Variants in COL19A1 observed in about 807,000 individuals in gnomAD.
COL19A1 encodes collagen type XIX alpha 1 chain, also known as collagen alpha-1(XIX) chain.
COL19A1 carries 159 observed loss-of-function variants against 190.2 expected under a neutral mutation model. The ratio of observed to expected loss-of-function variants is 0.84; its 90% CI spans 0.73 to 0.95. The LOEUF is 0.95. Ranked by LOEUF, COL19A1 falls within the 40% of genes least tolerant of loss-of-function variation. COL19A1 has a pLI of 0.00. For synonymous variants in COL19A1, 509 were observed against 458.9 expected (o/e 1.11, Z -1.39); for missense variants, 1,418 against 1,431.9 (o/e 0.99, Z 0.16).
intron 14 of COL19A1, among the ~76,000 whole-genome samples, chr6:70,059,314 C>T (rs1443750774): frequency 2.0e-5 from 3 of 152,112 alleles, no homozygotes; most frequent in Non-Finnish European, 4.4e-5. Flanking sequence ...ACTTCAGCTC[C>T]TTTTCTTGAT....
At position 69,913,552 on chromosome 6, in the gene COL19A1, G is replaced by A. The variant is rs73480055; in HGVS notation, c.266+13214G>A. ...GTGTGAATTTACCAGGTGAGCCAAG[G>A]GGTCAATGTATGTTGTGGTAGTTAG... is the stretch of plus-strand genomic sequence containing the variant. On this transcript the variant is annotated intron_variant, in intron 4 of 50. Coordinates refer to ENST00000620364, the MANE Select transcript of COL19A1 (RefSeq NM_001858.6). Among the ~76,000 whole-genome samples the A allele has an allele frequency of 7.1e-3, 1,083 of 152,266 alleles. 15 individuals carry two copies. The highest frequency in any genetic ancestry group is 0.022 in the African/African-American group (921 of 41,540).
At chr6:70,029,945 C>T (rs537709879) in intron 12 of COL19A1, among the ~76,000 whole-genome samples, 95 of 152,164 alleles carry the variant, frequency 6.2e-4, no homozygotes, top group African/African-American at 2.1e-3. Flanking sequence ...TCAGAACAAC[C>T]CTTCAAGAAA....
At chr6:69,917,077 T>C (rs1771354902) in intron 4 of COL19A1, among the ~76,000 whole-genome samples, 1 of 152,238 alleles carries the variant, frequency 6.6e-6, no homozygotes, top group Non-Finnish European at 1.5e-5. Context: ...TGGTTTCTTA[T>C]GACCAACACA....
At chr6:69,958,473 T>C (rs1482584690) in intron 9 of COL19A1, among the ~76,000 whole-genome samples, 2 of 152,196 alleles carry the variant, frequency 1.3e-5, no homozygotes, top group South Asian at 4.1e-4. Flanking sequence ...TCACTATCAC[T>C]TTATCAAATG....
chr6:70,117,006 T>A (rs1784617573), intron 16 of COL19A1, among the ~76,000 whole-genome samples: 1 of 152,128 alleles, frequency 6.6e-6, no homozygotes. Flanking sequence ...TCAAGGAGAC[T>A]CAGTCAACAG....
intron 4 of COL19A1, among the ~76,000 whole-genome samples, chr6:69,920,614 C>T (rs1233825957): frequency 1.3e-5 from 2 of 151,930 alleles, no homozygotes; most frequent in Non-Finnish European, 1.5e-5. Context: ...GTTTAGTTAG[C>T]CATATTTTGA....
intron 4 of COL19A1, among the ~76,000 whole-genome samples, chr6:69,927,200 T>G (rs1257206817): frequency 6.6e-6 from 1 of 152,138 alleles, no homozygotes; most frequent in African/African-American, 2.4e-5. Flanking sequence ...ATTACATAGA[T>G]AAATATAAAA....
rs778798198 is a variant in COL19A1 at position 69,932,827 on chromosome 6, A to G, written c.711A>G (p.Ile237Met). 3.1e-6 allele frequency: 5 copies of G among 1,609,376 alleles called. No individual in the cohort carries two copies. Among genetic ancestry groups the G allele is most frequent in the South Asian group, 1.1e-5 (1 of 90,432 alleles). The change falls in exon 7 of 51, where the codon ATA becomes ATG. Residue 237 changes from isoleucine (I) to methionine (M), a missense_variant. Ile to Met is a conservative substitution (Grantham distance 10). Transcript: ENST00000620364. Reference sequence around the variant, plus strand: ...AAATCTACTGCAGTGCAAACCTCATAGCTCAAGAAACATGTTGTGAAATAT... The same window carrying G: ...AAATCTACTGCAGTGCAAACCTCATGGCTCAAGAAACATGTTGTGAAATAT... ...QLKIYCSANL[I>M]AQETCCEISD...
intron 2 of COL19A1, among the ~76,000 whole-genome samples, chr6:69,894,480 A>G (rs752017145): frequency 6.6e-6 from 1 of 152,240 alleles, no homozygotes; most frequent in Non-Finnish European, 1.5e-5. Flanking sequence ...TCAAAGATTA[A>G]AGTCATGTGA....
chr6:70,033,547 T>G (rs981514091), intron 12 of COL19A1, among the ~76,000 whole-genome samples: 7 of 152,158 alleles, frequency 4.6e-5, no homozygotes, highest in Non-Finnish European at 1.0e-4. Context: ...TGGTACAATC[T>G]ATTGTGGAAG....
At chr6:70,203,653 G>T (rs921569523) in intron 49 of COL19A1, among the ~76,000 whole-genome samples, 2 of 151,404 alleles carry the variant, frequency 1.3e-5, no homozygotes, top group African/African-American at 4.9e-5. Flanking sequence ...GTATACAGGC[G>T]CACAGATTTA....
chr6:70,151,675 AG>A (rs1467391103), intron 31 of COL19A1, among the ~76,000 whole-genome samples: 2 of 151,994 alleles, frequency 1.3e-5, no homozygotes, highest in Admixed American at 1.3e-4. Context: ...GCAGGGGTGG[AG>A]GGCAGCTGGT....
rs770242554 is a variant in COL19A1, at chr6:70,151,443, T to C, written c.2079+5T>C. On this transcript the variant is annotated splice_donor_5th_base_variant and intron_variant, in intron 31 of 50. Coordinates refer to ENST00000620364, the MANE Select transcript of COL19A1 (RefSeq NM_001858.6). ...GACATCGGTGCTTTGCTCAAGGTAC[T>C]CTATTGCTATGTAAGAAATTATGTG... 48 of 1,611,716 alleles carry C rather than the reference T, an allele frequency of 3.0e-5. No homozygotes were observed. In the Admixed American group the frequency reaches 4.8e-4, roughly 16 times the overall value.
At chr6:70,023,941 CT>C (rs1468254716) in intron 12 of COL19A1, among the ~76,000 whole-genome samples, 4 of 151,992 alleles carry the variant, frequency 2.6e-5, no homozygotes, top group Admixed American at 6.5e-5. Flanking sequence ...ATTTTCTAGT[CT>C]TTTTTTTCTG....
chr6:69,908,696 T>C (rs1424387746), intron 4 of COL19A1, among the ~76,000 whole-genome samples: 1 of 152,190 alleles, frequency 6.6e-6, no homozygotes, highest in East Asian at 1.9e-4. Flanking sequence ...TGGAAACATT[T>C]GATGTTATCA....
intron 35 of COL19A1, among the ~76,000 whole-genome samples, chr6:70,162,247 T>C (rs928501943): frequency 6.6e-6 from 1 of 152,162 alleles, no homozygotes; most frequent in Non-Finnish European, 1.5e-5. Context: ...TTTTTATTTA[T>C]AATTTTTTGG....
At chr6:69,986,262 CAT>C (rs1776313428) in intron 11 of COL19A1, among the ~76,000 whole-genome samples, 5 of 145,366 alleles carry the variant, frequency 3.4e-5, no homozygotes, top group African/African-American at 7.6e-5. Flanking sequence ...TACACACACA[CAT>C]ATATATATAT....
chr6:69,870,158 T>G (rs552167379), intron 1 of COL19A1, among the ~76,000 whole-genome samples: 3 of 152,236 alleles, frequency 2.0e-5, no homozygotes, highest in Non-Finnish European at 4.4e-5. Context: ...GATTTGTTTA[T>G]TTTTAGTCCA....
At chr6:69,926,504 A>G (rs1336407919) in intron 4 of COL19A1, among the ~76,000 whole-genome samples, 1 of 152,146 alleles carries the variant, frequency 6.6e-6, no homozygotes, top group Non-Finnish European at 1.5e-5. Flanking sequence ...TAAAACAGAA[A>G]TGAAAAATTT....
Sources: allele counts gnomAD v4.1 joint callset (sites outside exome capture counted in the v4.1 genomes callset), GRCh38; gene constraint gnomAD v4.1.1; transcripts MANE v1.5; gene names NCBI Gene and HGNC (gene_info 2026-07-23, HGNC 2026-07-21).